The following ZNF319 variants were observed in gnomAD, a reference collection of about 807,000 sequenced individuals.
The protein encoded by ZNF319 is zinc finger protein 319.
ZNF319 carries 15 observed loss-of-function variants against 46.0 expected under a neutral mutation model. That is an observed-to-expected ratio of 0.33 (90% CI 0.22 to 0.50). ZNF319 has a LOEUF of 0.50. Ranked by LOEUF, ZNF319 falls within the 20% of genes least tolerant of loss-of-function variation. ZNF319 has a pLI of 0.98. For synonymous variants in ZNF319, 368 were observed against 364.0 expected, an observed-to-expected ratio of 1.01 and a Z score of -0.13; for missense variants, 635 against 807.0, an observed-to-expected ratio of 0.79 and a Z score of 2.58.
rs776868691 is a variant in ZNF319, at chr16:57,997,838, A to G, written c.428T>C (p.Leu143Pro). 6.2e-7 allele frequency: 1 copy of G among 1,612,872 alleles called. No individual in the cohort carries two copies. The highest frequency in any genetic ancestry group is 1.1e-5 in the South Asian group (1 of 91,088). The change falls in exon 2 of 2, where the codon CTA (leucine) becomes CCA (proline). Residue 143 changes from leucine (L) to proline (P), a missense_variant. Around this residue, in one of 3 missense-constraint regions of ZNF319, gnomAD observed 227 missense variants for 277.5 expected, o/e 0.82. Coordinates refer to ENST00000299237, the MANE Select transcript of ZNF319 (RefSeq NM_020807.3). ...VCGVCKMGFS[L>P]LTSLAQHHSS... ...GTGGTGCTGTGCCAGTGAGGTGAGT[A>G]GTGAGAAGCCCATCTTGCAGACCCC... is the stretch of plus-strand genomic sequence containing the variant.
At position 58,000,022 on chromosome 16, in the gene ZNF319, G is replaced by T. The variant is rs1040342916; in HGVS notation, c.-787C>A. On this transcript the variant is annotated 5_prime_UTR_variant, in exon 1 of 2. Transcript: ENST00000299237. This position sits in a 1 kb window ranked among gnomAD's most constrained non-coding sequence, Gnocchi z 4.5. ...AAAGGGGAGAGAGGAGGCAAGGAGA[G>T]GCAGGGGAGGCCCCCCACCTGCGCC... 2.0e-5 allele frequency among the ~76,000 whole-genome samples: 3 copies of T among 152,242 alleles called. No homozygotes were observed. Among genetic ancestry groups the T allele is most frequent in the Admixed American group, 2.0e-4 (3 of 15,292 alleles).
intron 1 of ZNF319, among the ~76,000 whole-genome samples, chr16:57,999,014 T>A (rs1174779357): frequency 6.6e-6 from 1 of 152,106 alleles, no homozygotes; most frequent in Non-Finnish European, 1.5e-5. Flanking sequence ...TTAGGACAAC[T>A]ACGTGGAACC....
chr16:57,997,147 G>T lies in ZNF319; in HGVS notation c.1119C>A (p.Cys373Ter). The change falls in exon 2 of 2, where the codon TGC becomes TGA. Residue 373 changes from cysteine to a stop codon, truncating the protein, a stop_gained. Transcript: ENST00000299237. LOFTEE classifies it high-confidence loss of function. ...RTHKTEEPFK[C>*]GLCEKGFGQP... ...GCCCAAAGCCCTTCTCACATAGGCC[G>T]CATTTGAAGGGCTCCTCGGTCTTGT... 6.2e-7 allele frequency: 1 copy of T among 1,613,998 alleles called. No individual in the cohort carries two copies. Among genetic ancestry groups the T allele is most frequent in the Non-Finnish European group, 8.5e-7 (1 of 1,179,990 alleles).
chr16:57,995,829 G>C lies in ZNF319; in HGVS notation c.*688C>G, dbSNP rs1376371784. ...TCCCCAAGGATGGCACTGTCCCTTG[G>C]CTGAGGGTGTCACACGAACTTCTCA... On this transcript the variant is annotated 3_prime_UTR_variant, in exon 2 of 2. Coordinates refer to ENST00000299237, the MANE Select transcript of ZNF319 (RefSeq NM_020807.3). The C allele has an allele frequency of 6.6e-6, 1 of 152,294 alleles. No homozygotes were observed. The highest frequency in any genetic ancestry group is 1.5e-5 in the Non-Finnish European group (1 of 68,130). The allele number at this position is 152,294 out of a possible 1,614,324, so 9.4% of individuals were successfully genotyped here.
Position 57,996,582 on chromosome 16 carries a change from C to T in ZNF319, c.1684G>A (p.Ala562Thr), listed in dbSNP as rs759713923. Residue 562 changes from alanine (A) to threonine (T), a missense_variant, in exon 2 of 2, where the codon GCG becomes ACG. Transcript: ENST00000299237. The part of the protein sequence containing the change: ...LDVALLQEHS[A>T]QHSAAAAAAE... ...GCCGCGGCGGCGGCACTGTGCTGCG[C>T]GCTGTGCTCCTGCAACAAGGCCACG... 1 of 1,596,616 alleles carries T rather than the reference C, an allele frequency of 6.3e-7. No individual in the cohort carries two copies. The highest frequency in any genetic ancestry group is 1.1e-5 in the South Asian group (1 of 89,696).
At position 57,995,747 on chromosome 16, in the gene ZNF319, G is replaced by C. The variant is rs1411300680; in HGVS notation, c.*770C>G. On this transcript the variant is annotated 3_prime_UTR_variant, in exon 2 of 2. Transcript: ENST00000299237. ...GGAACTGCACTACAAAGGTGGGAGG[G>C]GCGCTTCCAAAACCGGAGGATTTGC... 4 of 152,386 alleles carry C rather than the reference G, an allele frequency of 2.6e-5. No individual in the cohort carries two copies. Among genetic ancestry groups the C allele is most frequent in the Non-Finnish European group, 5.9e-5 (4 of 68,096 alleles). 9.4% of individuals were successfully genotyped at this position (152,386 alleles called of 1,614,324 possible).
rs1433009231 is a variant in ZNF319, at chr16:57,996,376, C to A, written c.*141G>T. ...ACCCTCTCCCTGCCTCATACCCCTG[C>A]GTCCTCACTCCCGAGGTCTCAGAAC... On this transcript the variant is annotated 3_prime_UTR_variant, in exon 2 of 2. Transcript: ENST00000299237. 4.2e-6 allele frequency: 6 copies of A among 1,418,192 alleles called. No individual in the cohort carries two copies. Among genetic ancestry groups the A allele is most frequent in the Non-Finnish European group, 5.5e-6 (6 of 1,086,558 alleles). 87.9% of individuals were successfully genotyped at this position (1,418,192 alleles called of 1,614,324 possible).
Position 57,995,258 on chromosome 16 carries a change from CCCCACAGGCTTCCTTAA to C in ZNF319, c.*1242_*1258del, listed in dbSNP as rs1381941844. ...GTTGGTCAACTCCATCCACCAGGTC[CCCCACAGGCTTCCTTAA>C]CCCACTTGCTCTTTCTGCTCCCTAT... is the stretch of plus-strand genomic sequence containing the variant. On this transcript the variant is annotated 3_prime_UTR_variant, in exon 2 of 2. Transcript: ENST00000299237. 1 of 152,320 alleles carries C rather than the reference CCCCACAGGCTTCCTTAA, an allele frequency of 6.6e-6. No homozygotes were observed. The highest frequency in any genetic ancestry group is 2.1e-4 in the South Asian group (1 of 4,838). The allele number at this position is 152,320 out of a possible 1,614,324, so 9.4% of individuals were successfully genotyped here.
Position 57,998,334 on chromosome 16 carries a change from G to C in ZNF319, c.-69C>G. 6.6e-7 allele frequency: 1 copy of C among 1,509,000 alleles called. No individual in the cohort carries two copies. The highest frequency in any genetic ancestry group is 8.9e-7 in the Non-Finnish European group (1 of 1,128,270). 93.5% of individuals were successfully genotyped at this position (1,509,000 alleles called of 1,614,324 possible). A position where few individuals can be genotyped will look rare whatever the true frequency, so the allele number is the denominator to read the frequency against. On this transcript the variant is annotated 5_prime_UTR_variant, in exon 2 of 2. Coordinates refer to ENST00000299237, the MANE Select transcript of ZNF319 (RefSeq NM_020807.3). The stretch of plus-strand genomic sequence containing the variant: ...TTCCCGCTTCACGTGACCCAATCCA[G>C]AGAGAGAAGCTGCCCAATCACAGAG...
In ZNF319 at chr16:57,997,861, C is replaced by G. The variant is rs1357239256; in HGVS notation, c.405G>C (p.Gly135=). ...GTAGTGAGAAGCCCATCTTGCAGACCCCACAGACGAAGGGCTTCTGCTCAG... is the reference window on the plus strand; with the variant it reads ...GTAGTGAGAAGCCCATCTTGCAGACGCCACAGACGAAGGGCTTCTGCTCAG... ...VQAEQKPFVC[G]VCKMGFSLLT... Residue 135 remains glycine, a synonymous_variant, in exon 2 of 2, where the codon GGG becomes GGC. Coordinates refer to ENST00000299237, the MANE Select transcript of ZNF319 (RefSeq NM_020807.3). 1.9e-6 allele frequency: 3 copies of G among 1,613,190 alleles called. No individual in the cohort carries two copies.
At chr16:57,998,736 C>T (rs1963082995) in intron 1 of ZNF319, among the ~76,000 whole-genome samples, 1 of 152,126 alleles carries the variant, frequency 6.6e-6, no homozygotes, top group Non-Finnish European at 1.5e-5. Flanking sequence ...GCAGCGGCCT[C>T]CACCCCCACC....
chr16:57,997,591 G>A lies in ZNF319; in HGVS notation c.675C>T (p.Thr225=), dbSNP rs767549282. 5 of 1,614,170 alleles carry A rather than the reference G, an allele frequency of 3.1e-6. No individual in the cohort carries two copies. The Admixed American group carries it at 6.7e-5, about 22-fold the overall frequency. ...GCGTGCACTTGTAGGGCTTCTCACC[G>A]GTGTGGATCCGCTCATGCCGAGAGA... ...SELSRHERIH[T]GEKPYKCTLC... Residue 225 remains threonine, a synonymous_variant, in exon 2 of 2, where the codon ACC becomes ACT. Transcript: ENST00000299237.
At position 57,997,368 on chromosome 16, in the gene ZNF319, A is replaced by T; in HGVS notation, c.898T>A (p.Ser300Thr). The stretch of plus-strand genomic sequence containing the variant: ...GTGCACGGGTGCTGCAGCAGCTCCG[A>T]CGACTCCTTGAAATGCAACTCGCAC... Reference protein sequence around the residue: ...NVCELHFKESSELLQHPCTPS... With the variant: ...NVCELHFKESTELLQHPCTPS... Residue 300 changes from serine (S) to threonine (T), a missense_variant, in exon 2 of 2, where the codon TCG becomes ACG. Transcript: ENST00000299237. 6.2e-7 allele frequency: 1 copy of T among 1,612,056 alleles called. No individual in the cohort carries two copies. The highest frequency in any genetic ancestry group is 8.5e-7 in the Non-Finnish European group (1 of 1,179,590).
At chr16:57,998,817 C>G (rs1442798719) in intron 1 of ZNF319, among the ~76,000 whole-genome samples, 1 of 152,210 alleles carries the variant, frequency 6.6e-6, no homozygotes, top group Non-Finnish European at 1.5e-5. Flanking sequence ...CCTGCCAACC[C>G]TTTAGCTGAG....
Position 58,000,420 on chromosome 16 carries a change from G to C in ZNF319, c.-1185C>G, listed in dbSNP as rs1395477863. Reference sequence around the variant, plus strand: ...GCTCACCTGCTCCAGGCCGCCTGCAGGGCAGGCGCGGGGCGAGCGGCGACC... The same window carrying C: ...GCTCACCTGCTCCAGGCCGCCTGCACGGCAGGCGCGGGGCGAGCGGCGACC... On this transcript the variant is annotated 5_prime_UTR_variant, in exon 1 of 2. Transcript: ENST00000299237. The surrounding 1 kb of genome is among the most constrained non-coding windows in gnomAD (Gnocchi z 4.5). 6.7e-6 allele frequency: 1 copy of C among 150,286 alleles called. No homozygotes were observed. The highest frequency in any genetic ancestry group is 6.6e-5 in the Admixed American group (1 of 15,116). The allele number at this position is 150,286 out of a possible 1,614,324, so 9.3% of individuals were successfully genotyped here.
rs1220206260 is a variant in ZNF319, at chr16:58,000,247, TG to T, written c.-1013del. ...CTACAGGCCGGGCCCAGGAAGCGGCTGCGCCTCGAGGCCCGGCCTGGGCCGC... is the reference window on the plus strand; with the variant it reads ...CTACAGGCCGGGCCCAGGAAGCGGCTCGCCTCGAGGCCCGGCCTGGGCCGC... On this transcript the variant is annotated 5_prime_UTR_variant, in exon 1 of 2. Coordinates refer to ENST00000299237, the MANE Select transcript of ZNF319 (RefSeq NM_020807.3). This position sits in a 1 kb window ranked among gnomAD's most constrained non-coding sequence, Gnocchi z 4.5. Among the ~76,000 whole-genome samples, 1 of 151,890 alleles carries T rather than the reference TG, an allele frequency of 6.6e-6. No individual in the cohort carries two copies. The highest frequency in any genetic ancestry group is 1.9e-4 in the East Asian group (1 of 5,150).
rs60708700 is a variant in ZNF319, at chr16:57,999,239, TCACACACACACACACA to T, written c.-258+238_-258+253del. Among the ~76,000 whole-genome samples, 1,380 of 145,760 alleles carry T rather than the reference TCACACACACACACACA, an allele frequency of 9.5e-3. 29 individuals are homozygous for T. The highest frequency in any genetic ancestry group is 0.033 in the African/African-American group (1,297 of 39,006). On this transcript the variant is annotated intron_variant, in intron 1 of 1. Transcript: ENST00000299237. ...CCTCACTCTGGTTCTCTCCCAGAAC[TCACACACACACACACA>T]CACACACACACACACACAAAGTCCT...
rs201427178 is a variant in ZNF319, at chr16:57,997,360, C to G, written c.906G>C (p.Leu302=). The G allele has an allele frequency of 1.4e-4, 227 of 1,611,996 alleles. 2 individuals carry two copies. The South Asian group carries it at 1.5e-3, about 11-fold the overall frequency. ...CACTTGGCGTGCACGGGTGCTGCAG[C>G]AGCTCCGACGACTCCTTGAAATGCA... ...CELHFKESSE[L]LQHPCTPSGE... Residue 302 remains leucine, a synonymous_variant, in exon 2 of 2, where the codon CTG becomes CTC. Coordinates refer to ENST00000299237, the MANE Select transcript of ZNF319 (RefSeq NM_020807.3).
Position 57,995,836 on chromosome 16 carries a change from G to A in ZNF319, c.*681C>T, listed in dbSNP as rs1442219467. 2 of 152,262 alleles carry A rather than the reference G, an allele frequency of 1.3e-5. No homozygotes were observed. Among genetic ancestry groups the A allele is most frequent in the Admixed American group, 6.5e-5 (1 of 15,282 alleles). 9.4% of individuals were successfully genotyped at this position (152,262 alleles called of 1,614,324 possible). ...GGATGGCACTGTCCCTTGGCTGAGG[G>A]TGTCACACGAACTTCTCAGCTTCCC... On this transcript the variant is annotated 3_prime_UTR_variant, in exon 2 of 2. Transcript: ENST00000299237.
Sources: allele counts gnomAD v4.1 joint callset (sites outside exome capture counted in the v4.1 genomes callset), GRCh38; gene constraint gnomAD v4.1.1; regional missense constraint gnomAD v4.1.1; non-coding constraint Gnocchi (gnomAD v3.1); transcripts MANE v1.5; gene names NCBI Gene and HGNC (gene_info 2026-07-23, HGNC 2026-07-21).